The following EFNA5 variants were observed in gnomAD, a reference collection of about 807,000 sequenced individuals.
EFNA5 encodes ephrin-A5.
A neutral mutation model predicts 22.9 loss-of-function variants in EFNA5; 5 were observed. The ratio of observed to expected loss-of-function variants is 0.22; its 90% CI spans 0.11 to 0.46. The LOEUF is 0.46. Ranked by LOEUF, EFNA5 falls within the 20% of genes least tolerant of loss-of-function variation. EFNA5 has a pLI of 0.99. For missense variants in EFNA5, 237 were observed against 293.3 expected (o/e 0.81, Z 1.40); for synonymous variants, 113 against 112.2 (o/e 1.01, Z -0.04).
At chr5:107,502,551 G>C (rs922215378) in intron 1 of EFNA5, among the ~76,000 whole-genome samples, 7 of 152,056 alleles carry the variant, frequency 4.6e-5, no homozygotes, top group African/African-American at 1.7e-4. Flanking sequence ...TTTCATCTGT[G>C]GGGCTTTTGA....
intron 1 of EFNA5, 133 bp downstream of exon 1, chr5:107,670,356 A>T: frequency 4.1e-6 from 5 of 1,231,074 alleles, no homozygotes; most frequent in South Asian, 1.8e-5. Context: ...GCCTCAAGCC[A>T]TCAGCGCCCG....
chr5:107,509,078 G>A (rs1747307800), intron 1 of EFNA5, among the ~76,000 whole-genome samples: 1 of 152,140 alleles, frequency 6.6e-6, no homozygotes, highest in Non-Finnish European at 1.5e-5. Context: ...TTATTTATAG[G>A]ATGGCTTCGC....
chr5:107,670,455 GGT>G (rs1561465893), intron 1 of EFNA5, 32 bp downstream of exon 1: 1 of 1,541,130 alleles, frequency 6.5e-7, no homozygotes, highest in Admixed American at 2.0e-5. Flanking sequence ...CCGAGGCCCG[GGT>G]AGCCCTGGCT....
chr5:107,607,909 T>C (rs527319944), intron 1 of EFNA5, among the ~76,000 whole-genome samples: 2 of 152,206 alleles, frequency 1.3e-5, no homozygotes, highest in East Asian at 3.9e-4. Context: ...CTCATAACCT[T>C]CCAAAGCTGC....
At chr5:107,513,764 G>A (rs1343779052) in intron 1 of EFNA5, among the ~76,000 whole-genome samples, 2 of 152,116 alleles carry the variant, frequency 1.3e-5, no homozygotes, top group African/African-American at 4.8e-5. Context: ...TGAGATACTG[G>A]GCTCTATGTT....
intron 1 of EFNA5, among the ~76,000 whole-genome samples, chr5:107,550,069 A>C (rs891174037): frequency 3.3e-5 from 5 of 152,244 alleles, no homozygotes; most frequent in African/African-American, 1.2e-4. Context: ...CTTAGAAAAG[A>C]AAGACATTAA....
intron 1 of EFNA5, among the ~76,000 whole-genome samples, chr5:107,565,735 A>C (rs1458273204): frequency 6.6e-6 from 1 of 152,218 alleles, no homozygotes; most frequent in African/African-American, 2.4e-5. Context: ...TTTACGTGTT[A>C]AGGGGGCATA....
At chr5:107,575,610 G>A (rs1279495465) in intron 1 of EFNA5, among the ~76,000 whole-genome samples, 2 of 152,090 alleles carry the variant, frequency 1.3e-5, no homozygotes, top group East Asian at 3.9e-4. Flanking sequence ...CATGATGACT[G>A]AGATCCTGAA....
chr5:107,543,606 C>T (rs1364054053), intron 1 of EFNA5, among the ~76,000 whole-genome samples: 1 of 152,104 alleles, frequency 6.6e-6, no homozygotes, highest in Non-Finnish European at 1.5e-5. Context: ...ATACAGCATA[C>T]CAAATACTTT....
At chr5:107,638,700 C>G (rs1750437086) in intron 1 of EFNA5, among the ~76,000 whole-genome samples, 3 of 152,110 alleles carry the variant, frequency 2.0e-5, no homozygotes, top group Admixed American at 6.6e-5. Flanking sequence ...ATATAAGGGA[C>G]TTGACCATCT....
chr5:107,590,238 G>C (rs1356241020), intron 1 of EFNA5, among the ~76,000 whole-genome samples: 1 of 152,094 alleles, frequency 6.6e-6, no homozygotes, highest in Non-Finnish European at 1.5e-5. Context: ...CTCCTCTCTT[G>C]GAGTAATTCC....
chr5:107,496,697 G>A (rs539073160), intron 1 of EFNA5, among the ~76,000 whole-genome samples: 2 of 152,292 alleles, frequency 1.3e-5, no homozygotes, highest in East Asian at 1.9e-4. Flanking sequence ...AATAAAGTGC[G>A]CTTAAACAAT....
At chr5:107,644,170 A>G (rs1750583326) in intron 1 of EFNA5, among the ~76,000 whole-genome samples, 1 of 152,152 alleles carries the variant, frequency 6.6e-6, no homozygotes, top group Admixed American at 6.6e-5. Context: ...AAGCTGAAAG[A>G]TGCAGGCGGA....
intron 2 of EFNA5, among the ~76,000 whole-genome samples, chr5:107,394,664 C>T (rs537714424): frequency 2.6e-4 from 39 of 152,238 alleles, no homozygotes; most frequent in African/African-American, 9.1e-4. Context: ...ATCTCTCTGC[C>T]CCCTTAAGGC....
intron 1 of EFNA5, among the ~76,000 whole-genome samples, chr5:107,658,313 T>C (rs1041033050): frequency 6.6e-6 from 1 of 152,218 alleles, no homozygotes; most frequent in Admixed American, 6.5e-5. Flanking sequence ...GCTTAATATC[T>C]TTAGACATTT....
intron 1 of EFNA5, among the ~76,000 whole-genome samples, chr5:107,583,954 C>G (rs1749123298): frequency 6.6e-6 from 1 of 152,140 alleles, no homozygotes; most frequent in African/African-American, 2.4e-5. Context: ...TAATCTACAC[C>G]TCAGAGCAAA....
At chr5:107,480,163 A>G (rs1034148515) in intron 1 of EFNA5, among the ~76,000 whole-genome samples, 3 of 152,344 alleles carry the variant, frequency 2.0e-5, no homozygotes, top group East Asian at 1.9e-4. Flanking sequence ...ACAAAGCTCT[A>G]GTTAAAATGG....
chr5:107,633,913 G>A (rs1313374036), intron 1 of EFNA5, among the ~76,000 whole-genome samples: 1 of 151,994 alleles, frequency 6.6e-6, no homozygotes, highest in Non-Finnish European at 1.5e-5. Flanking sequence ...GAAGTGCAGG[G>A]AACAATATTT....
At chr5:107,486,636 CT>C (rs1746629546) in intron 1 of EFNA5, among the ~76,000 whole-genome samples, 1 of 152,140 alleles carries the variant, frequency 6.6e-6, no homozygotes, top group South Asian at 2.1e-4. Flanking sequence ...ACATGAGTCA[CT>C]TTTGGGCTGA....
Sources: allele counts gnomAD v4.1 joint callset (sites outside exome capture counted in the v4.1 genomes callset), GRCh38; gene constraint gnomAD v4.1.1; transcripts MANE v1.5; gene names NCBI Gene and HGNC (gene_info 2026-07-23, HGNC 2026-07-21).